DLGAP2: variants seen among roughly 807,000 people sequenced by gnomAD.
DLGAP2 encodes DLG associated protein 2, also known as disks large-associated protein 2.
DLGAP2 carries 26 observed loss-of-function variants against 100.3 expected under a neutral mutation model. The ratio of observed to expected loss-of-function variants is 0.26; its 90% CI spans 0.19 to 0.36. DLGAP2 has a LOEUF of 0.36. Among genes scored for constraint, DLGAP2 ranks in the 10% least tolerant of loss-of-function variants. The pLI, the probability that DLGAP2 is intolerant of heterozygous loss-of-function variation, is 1.00. For missense variants in DLGAP2, 1,858 were observed against 1,453.2 expected, an observed-to-expected ratio of 1.28 and a Z score of -4.53; for synonymous variants, 886 against 630.1, an observed-to-expected ratio of 1.41 and a Z score of -6.08.
At chr8:1,362,311 C>A (rs1801999817) in intron 3 of DLGAP2, among the ~76,000 whole-genome samples, 1 of 141,604 alleles carries the variant, frequency 7.1e-6, no homozygotes, top group South Asian at 2.2e-4. Flanking sequence ...GGGATGTGGC[C>A]TGGGTTTGGA....
intron 2 of DLGAP2, among the ~76,000 whole-genome samples, chr8:1,126,811 C>G (rs554029830): frequency 6.6e-6 from 1 of 151,990 alleles, no homozygotes; most frequent in Admixed American, 6.6e-5. Flanking sequence ...GAGACTCCCA[C>G]GGGCTCTGGA....
intron 2 of DLGAP2, among the ~76,000 whole-genome samples, chr8:1,172,503 T>C (rs1328234631): frequency 7.2e-5 from 11 of 152,368 alleles, no homozygotes; most frequent in Non-Finnish European, 1.5e-4. Flanking sequence ...CTGTTCTCCC[T>C]GTCACTTTCA....
chr8:1,077,033 C>A (rs1412067459), intron 2 of DLGAP2, among the ~76,000 whole-genome samples: 1 of 151,090 alleles, frequency 6.6e-6, no homozygotes, highest in African/African-American at 2.4e-5. Flanking sequence ...CCGGGCCCCC[C>A]CAAGACCAAG....
chr8:1,294,967 C>T (rs942382752), intron 3 of DLGAP2, among the ~76,000 whole-genome samples: 14 of 151,440 alleles, frequency 9.2e-5, no homozygotes, highest in Admixed American at 6.6e-5. Context: ...TAAGATTTTA[C>T]AAGATATTTA....
At chr8:771,321 G>A (rs1821353525) in intron 1 of DLGAP2, among the ~76,000 whole-genome samples, 1 of 152,152 alleles carries the variant, frequency 6.6e-6, no homozygotes, top group African/African-American at 2.4e-5. Flanking sequence ...AAGGATCGAG[G>A]GACCTCTGTG....
At chr8:1,129,966 G>T (rs1241831107) in intron 2 of DLGAP2, among the ~76,000 whole-genome samples, 1 of 152,198 alleles carries the variant, frequency 6.6e-6, no homozygotes, top group Non-Finnish European at 1.5e-5. Flanking sequence ...TGTAAAGTGA[G>T]TAAGGACAGG....
At chr8:1,175,885 CCA>C (rs1473848363) in intron 2 of DLGAP2, among the ~76,000 whole-genome samples, 1 of 152,206 alleles carries the variant, frequency 6.6e-6, no homozygotes, top group Non-Finnish European at 1.5e-5. Context: ...TGTTTATTAT[CCA>C]CATAGCCATG....
intron 6 of DLGAP2, among the ~76,000 whole-genome samples, chr8:1,583,873 C>T (rs982095778): frequency 2.0e-5 from 3 of 152,044 alleles, no homozygotes; most frequent in Non-Finnish European, 4.4e-5. Context: ...AGCCTTGTTC[C>T]CCTGACAATT....
rs556851759 is a variant in DLGAP2, at chr8:779,551, C to G, written c.18+41726C>G. Among the ~76,000 whole-genome samples, 26 of 151,464 alleles carry G rather than the reference C, an allele frequency of 1.7e-4. 1 individual carries two copies. Among genetic ancestry groups the G allele is most frequent in the African/African-American group, 5.8e-4 (24 of 41,280 alleles). Reference sequence around the variant, plus strand: ...CCATCATAGTTCACTGCAGCGTCTGCCTCCTGGGCTCAAGTGATCTTCCCA... The same window carrying G: ...CCATCATAGTTCACTGCAGCGTCTGGCTCCTGGGCTCAAGTGATCTTCCCA... On this transcript the variant is annotated intron_variant, in intron 1 of 14. Transcript: ENST00000637795.
intron 4 of DLGAP2, among the ~76,000 whole-genome samples, chr8:1,539,269 C>T (rs538135823): frequency 3.9e-4 from 59 of 152,358 alleles, no homozygotes; most frequent in Non-Finnish European, 6.9e-4. Context: ...AGCACATATT[C>T]TCTGGGACTT....
chr8:1,189,765 A>G (rs1285889736), intron 2 of DLGAP2, among the ~76,000 whole-genome samples: 2 of 152,196 alleles, frequency 1.3e-5, no homozygotes, highest in South Asian at 4.1e-4. Flanking sequence ...CACGGCAGAT[A>G]CAGCCGCCTG....
chr8:1,549,248 C>T lies in DLGAP2; in HGVS notation c.795C>T (p.Asp265=). The change falls in exon 5 of 15, where the codon GAC becomes GAT. Residue 265 remains aspartate, a synonymous_variant. Transcript: ENST00000637795. ...NGTKADGRAD[D]HHHAHHAKHS... ...CCAAGGCGGACGGCCGGGCGGACGA[C>T]CACCACCACGCCCACCACGCCAAGC... 1 of 1,609,412 alleles carries T rather than the reference C, an allele frequency of 6.2e-7. No individual in the cohort carries two copies. The highest frequency in any genetic ancestry group is 8.5e-7 in the Non-Finnish European group (1 of 1,178,738).
intron 3 of DLGAP2, among the ~76,000 whole-genome samples, chr8:1,359,134 C>G (rs62487411): frequency 0.093 from 14,115 of 152,166 alleles, 1,001 homozygotes; most frequent in East Asian, 0.35. Context: ...ACGTGGAGAA[C>G]CACCCCTCTA....
intron 13 of DLGAP2, 110 bp from the exon 14 acceptor site, chr8:1,697,037 G>A (rs1394626020): frequency 2.5e-6 from 3 of 1,196,660 alleles, no homozygotes; most frequent in Non-Finnish European, 3.3e-6. Context: ...AATTAGCCAG[G>A]CTTCTCCCTA....
At chr8:1,681,468 A>T (rs960468233) in intron 12 of DLGAP2, among the ~76,000 whole-genome samples, 1 of 151,622 alleles carries the variant, frequency 6.6e-6, no homozygotes, top group East Asian at 1.9e-4. Context: ...CCTTGTCTCT[A>T]CCAAAAAAAA....
At chr8:1,351,603 C>CTGT (rs1387863188) in intron 3 of DLGAP2, among the ~76,000 whole-genome samples, 1 of 36,820 alleles carries the variant, frequency 2.7e-5, no homozygotes, top group Non-Finnish European at 5.4e-5. Flanking sequence ...GCGCGTCCTG[C>CTGT]GTGTGGCGTG....
chr8:786,003 C>T (rs1232179038), intron 1 of DLGAP2, among the ~76,000 whole-genome samples: 4 of 152,238 alleles, frequency 2.6e-5, no homozygotes, highest in African/African-American at 9.6e-5. Flanking sequence ...GTCACCGTCA[C>T]CGAGGGCTGT....
At chr8:1,352,453 G>T (rs1158678053) in intron 3 of DLGAP2, among the ~76,000 whole-genome samples, 1 of 152,088 alleles carries the variant, frequency 6.6e-6, no homozygotes, top group East Asian at 1.9e-4. Context: ...TGGGGTCACC[G>T]CTGGGTCTCA....
At chr8:1,433,289 C>T (rs570998417) in intron 3 of DLGAP2, among the ~76,000 whole-genome samples, 69 of 152,332 alleles carry the variant, frequency 4.5e-4, no homozygotes, top group African/African-American at 1.3e-3. Context: ...CTACATGTTC[C>T]GAAACAACCC....
Sources: allele counts gnomAD v4.1 joint callset (sites outside exome capture counted in the v4.1 genomes callset), GRCh38; gene constraint gnomAD v4.1.1; transcripts MANE v1.5; gene names NCBI Gene and HGNC (gene_info 2026-07-23, HGNC 2026-07-21).